ADAMTSL2: variants seen among roughly 807,000 people sequenced by gnomAD.
ADAMTSL2 encodes the protein ADAMTS like 2, also known as ADAMTS-like protein 2.
ADAMTSL2 carries 55 observed loss-of-function variants against 117.0 expected under a neutral mutation model. That is an observed-to-expected ratio of 0.47 (90% confidence interval 0.38 to 0.59). The LOEUF is 0.59. Among genes scored for constraint, ADAMTSL2 ranks in the 20% least tolerant of loss-of-function variants. ADAMTSL2 has a pLI of 0.00. For synonymous variants in ADAMTSL2, 572 were observed against 566.4 expected (o/e 1.01, Z -0.14); for missense variants, 1,182 against 1,354.5 (o/e 0.87, Z 2.00).
intron 9 of ADAMTSL2, among the ~76,000 whole-genome samples, chr9:133,547,819 C>T (rs1830390071): frequency 6.6e-6 from 1 of 152,236 alleles, no homozygotes. Context: ...CCCCAGGATA[C>T]TCAGGGGTTC....
Position 133,563,860 on chromosome 9 carries a change from A to G in ADAMTSL2, c.1747+2565A>G, listed in dbSNP as rs1253018689. Among the ~76,000 whole-genome samples the G allele has an allele frequency of 7.3e-3, 373 of 50,884 alleles. 8 individuals are homozygous for G. Among genetic ancestry groups the G allele is most frequent in the Non-Finnish European group, 0.01 (253 of 24,260 alleles). 33.4% of individuals were successfully genotyped at this position (50,884 alleles called of 152,430 possible). On this transcript the variant is annotated intron_variant, in intron 12 of 18. Coordinates refer to ENST00000651351, the MANE Select transcript of ADAMTSL2 (RefSeq NM_014694.4). The stretch of plus-strand genomic sequence containing the variant: ...GAGAGAGAGGGAGAGAGAGAGAGAG[A>G]GAGGGAGAGAGAGAGAGAGAGAGAG...
At chr9:133,542,853 A>T (rs1343461762) in intron 7 of ADAMTSL2, among the ~76,000 whole-genome samples, 1 of 152,188 alleles carries the variant, frequency 6.6e-6, no homozygotes, top group East Asian at 1.9e-4. Flanking sequence ...GAATCTTGTG[A>T]GCTGCTTGCT....
In ADAMTSL2 at chr9:133,568,265, C is replaced by T. The variant is rs1379727684; in HGVS notation, c.1875-8C>T. ...GGGATCATTGAAGGCCATCCGCTCC[C>T]GGGGCAGGTGGGAGACGAGCAGCTG... On this transcript the variant is annotated splice_polypyrimidine_tract_variant and splice_region_variant and intron_variant, in intron 13 of 18. Transcript: ENST00000651351. 38 of 1,558,282 alleles carry T rather than the reference C, an allele frequency of 2.4e-5. No homozygotes were observed. Among genetic ancestry groups the T allele is most frequent in the East Asian group, 7.2e-5 (3 of 41,580 alleles).
At chr9:133,547,363 C>A in intron 9 of ADAMTSL2, 150 bp downstream of exon 9, 1 of 718,186 alleles carries the variant, frequency 1.4e-6, no homozygotes, top group East Asian at 2.6e-5. Flanking sequence ...TGGGCTGGGG[C>A]TTCACGTTCA....
Position 133,538,437 on chromosome 9 carries a change from C to T in ADAMTSL2, c.309+13C>T, listed in dbSNP as rs752517957. 23 of 1,612,638 alleles carry T rather than the reference C, an allele frequency of 1.4e-5. No homozygotes were observed. The highest frequency in any genetic ancestry group is 1.8e-5 in the Non-Finnish European group (21 of 1,179,800). On this transcript the variant is annotated intron_variant, in intron 4 of 18. Transcript: ENST00000651351. ...CTGCAGAGTGCAGGTGAGGCCCGGC[C>T]CGGGCAGGGGCACCATGGCCTGCTC...
At position 133,534,704 on chromosome 9, in the gene ADAMTSL2, AC is replaced by A. The variant is rs1304282090; in HGVS notation, c.-363del. ...AGGCGGCCGCCGGCGCAGAGCCGCC[AC>A]TGGGCTGCGCCCCTCCCGGGAACCC... On this transcript the variant is annotated 5_prime_UTR_variant, in exon 1 of 19. In the 5' UTR this introduces an upstream ATG that the reference lacks. Transcript: ENST00000651351. 1 of 1,365,992 alleles carries A rather than the reference AC, an allele frequency of 7.3e-7. No homozygotes were observed. Among genetic ancestry groups the A allele is most frequent in the Non-Finnish European group, 9.5e-7 (1 of 1,053,294 alleles). The allele number at this position is 1,365,992 out of a possible 1,614,324, so 84.6% of individuals were successfully genotyped here.
At chr9:133,534,528 G>A (rs1456892324), upstream of ADAMTSL2, 3 of 676,504 alleles carry the variant, frequency 4.4e-6, no homozygotes, top group African/African-American at 1.9e-5. Flanking sequence ...GGCCGCCGCC[G>A]CCGGCAGCAG....
In ADAMTSL2 at chr9:133,557,404, CAG is replaced by C. The variant is rs1271700970; in HGVS notation, c.1649+1475_1649+1476del. ...CCTCCTCTGGCTGCCCCTCTTCCCA[CAG>C]GGGTGGCACAGGGCTGTCTGCTCAC... On this transcript the variant is annotated intron_variant, in intron 11 of 18. Coordinates refer to ENST00000651351, the MANE Select transcript of ADAMTSL2 (RefSeq NM_014694.4). This position sits in a 1 kb window ranked among gnomAD's most constrained non-coding sequence, Gnocchi z 5.2. 1.1e-4 allele frequency among the ~76,000 whole-genome samples: 17 copies of C among 152,324 alleles called. No homozygotes were observed. Among genetic ancestry groups the C allele is most frequent in the African/African-American group, 3.1e-4 (13 of 41,560 alleles).
intron 12 of ADAMTSL2, among the ~76,000 whole-genome samples, chr9:133,561,978 G>A (rs1830740003): frequency 1.3e-5 from 2 of 152,248 alleles, no homozygotes; most frequent in South Asian, 4.1e-4. Context: ...ATACAGGGCC[G>A]TTGATGGGAG....
intron 5 of ADAMTSL2, 57 bp from the exon 6 acceptor site, chr9:133,540,541 C>T: frequency 6.3e-7 from 1 of 1,598,956 alleles, no homozygotes. Flanking sequence ...GGGAAGTCCT[C>T]TGAATCCGGC....
In ADAMTSL2 at chr9:133,541,292, C is replaced by CT. The variant is rs113918663; in HGVS notation, c.682+305dup. ...CTGCAGGGAGGTGTTAACAATGCAC[C>CT]TTTTTTTTTTTTTTGAGACAGAGTC... is the stretch of plus-strand genomic sequence containing the variant. On this transcript the variant is annotated intron_variant, in intron 7 of 18. Coordinates refer to ENST00000651351, the MANE Select transcript of ADAMTSL2 (RefSeq NM_014694.4). Among the ~76,000 whole-genome samples the CT allele has an allele frequency of 0.078, 11,219 of 143,724 alleles. 500 individuals are homozygous for CT. The highest frequency in any genetic ancestry group is 0.13 in the Middle Eastern group (37 of 276). 94.3% of individuals were successfully genotyped at this position (143,724 alleles called of 152,430 possible). A position where few individuals can be genotyped will look rare whatever the true frequency, so the allele number is the denominator to read the frequency against.
chr9:133,538,982 A>G (rs1338238831), intron 4 of ADAMTSL2, among the ~76,000 whole-genome samples: 1 of 152,128 alleles, frequency 6.6e-6, no homozygotes, highest in Non-Finnish European at 1.5e-5. Context: ...GCAGGGCGTG[A>G]GGCTGGGGCA....
intron 12 of ADAMTSL2, among the ~76,000 whole-genome samples, chr9:133,563,855 GA>G (rs1830817787): frequency 1.3e-5 from 1 of 78,704 alleles, no homozygotes; most frequent in African/African-American, 5.5e-5. Context: ...GAGAGAGAGA[GA>G]GAGAGAGGGA....
In ADAMTSL2 at chr9:133,541,811, C is replaced by G. The variant is rs149454154; in HGVS notation, c.682+810C>G. ...ATGTTTGTGTCCAGCTCTGTCCCAG[C>G]CCTCATCGGGGGTGGGCGTCTGTGC... On this transcript the variant is annotated intron_variant, in intron 7 of 18. Coordinates refer to ENST00000651351, the MANE Select transcript of ADAMTSL2 (RefSeq NM_014694.4). Among the ~76,000 whole-genome samples, 117 of 152,338 alleles carry G rather than the reference C, an allele frequency of 7.7e-4. 2 individuals carry two copies. The East Asian group carries it at 0.022, about 28-fold the overall frequency.
intron 18 of ADAMTSL2, among the ~76,000 whole-genome samples, chr9:133,574,457 C>G (rs1831181772): frequency 6.6e-6 from 1 of 152,122 alleles, no homozygotes; most frequent in African/African-American, 2.4e-5. Flanking sequence ...GGACGGGGGG[C>G]CCCTGTGGAA....
intron 7 of ADAMTSL2, among the ~76,000 whole-genome samples, chr9:133,542,442 G>A (rs1051787800): frequency 2.6e-5 from 4 of 152,202 alleles, no homozygotes; most frequent in African/African-American, 7.2e-5. Flanking sequence ...GGGGCAGCAC[G>A]TGTCTTGTAG....
intron 13 of ADAMTSL2, 112 bp downstream of exon 13, chr9:133,567,174 G>A (rs928195586): frequency 2.2e-6 from 3 of 1,372,438 alleles, no homozygotes; most frequent in Non-Finnish European, 3.0e-6. Context: ...CGTGTGCAGG[G>A]CCGTGGGGGC....
At chr9:133,568,532 G>T in intron 14 of ADAMTSL2, 46 bp downstream of exon 14, 1 of 1,569,972 alleles carries the variant, frequency 6.4e-7, no homozygotes, top group Non-Finnish European at 8.6e-7. Flanking sequence ...GAGCTGGGGA[G>T]CTGGGCTTGG....
intron 18 of ADAMTSL2, 46 bp downstream of exon 18, chr9:133,574,033 A>G: frequency 6.3e-7 from 1 of 1,580,080 alleles, no homozygotes; most frequent in Non-Finnish European, 8.6e-7. Context: ...TTCCCAGGGG[A>G]GGCGAGGACA....
Sources: gnomAD v4.1 joint callset for allele counts (sites outside exome capture counted in the v4.1 genomes callset) on GRCh38, gnomAD v4.1.1 for gene constraint, Gnocchi (gnomAD v3.1) non-coding constraint, MANE v1.5 for transcripts, NCBI Gene and HGNC (gene_info 2026-07-23, HGNC 2026-07-21) for gene names.